CLEC16A: variants seen among roughly 807,000 people sequenced by gnomAD.
The protein encoded by CLEC16A is C-type lectin domain containing 16A.
Under a neutral mutation model 109.5 loss-of-function variants are expected in CLEC16A, and 51 were observed. The ratio of observed to expected loss-of-function variants is 0.47; its 90% confidence interval spans 0.37 to 0.59. The LOEUF is 0.59. Ranked by LOEUF, CLEC16A falls within the 20% of genes least tolerant of loss-of-function variation. The probability of loss-of-function intolerance (pLI) is 0.00; values close to 1 mark genes in which losing one functional copy is unlikely to be tolerated. For synonymous variants in CLEC16A, 673 were observed against 564.2 expected, an observed-to-expected ratio of 1.19 and a Z score of -2.73; for missense variants, 1,339 against 1,394.0, an observed-to-expected ratio of 0.96 and a Z score of 0.63.
In CLEC16A at chr16:10,986,012, A is replaced by ATT. The variant is rs59547466; in HGVS notation, c.1071+3056_1071+3057dup. 7.7e-3 allele frequency among the ~76,000 whole-genome samples: 335 copies of ATT among 43,450 alleles called. 94 individuals are homozygous for ATT. Among genetic ancestry groups the ATT allele is most frequent in the African/African-American group, 0.02 (176 of 8,818 alleles). The allele number at this position is 43,450 out of a possible 152,430, so 28.5% of individuals were successfully genotyped here. A position where few individuals can be genotyped will look rare whatever the true frequency, so the allele number is the denominator to read the frequency against. ...TGAGACACTGCACCTGGCCTGCAGAATTTTTTTTTTTTTTTTTTTTTTTTT... is the reference window on the plus strand; with the variant it reads ...TGAGACACTGCACCTGGCCTGCAGAATTTTTTTTTTTTTTTTTTTTTTTTTTT... On this transcript the variant is annotated intron_variant, in intron 10 of 23. Coordinates refer to ENST00000409790, the MANE Select transcript of CLEC16A (RefSeq NM_015226.3).
At chr16:11,054,568 C>G (rs1450130554) in intron 18 of CLEC16A, among the ~76,000 whole-genome samples, 1 of 152,192 alleles carries the variant, frequency 6.6e-6, no homozygotes, top group Non-Finnish European at 1.5e-5. Flanking sequence ...CCAAAAGCAA[C>G]TCTCAAGTCC....
chr16:11,076,014 G>A lies in CLEC16A; in HGVS notation c.2116+14992G>A, dbSNP rs193177856. Reference sequence around the variant, plus strand: ...CTCTTAGCAAATCCTGCCAGCTTAAGCATCACATAGATAGAGAACCCAGCT... The same window carrying A: ...CTCTTAGCAAATCCTGCCAGCTTAAACATCACATAGATAGAGAACCCAGCT... On this transcript the variant is annotated intron_variant, in intron 19 of 23. Coordinates refer to ENST00000409790, the MANE Select transcript of CLEC16A (RefSeq NM_015226.3). 3.3e-5 allele frequency among the ~76,000 whole-genome samples: 5 copies of A among 152,282 alleles called. No homozygotes were observed. The East Asian group carries it at 9.6e-4, about 29-fold the overall frequency.
chr16:10,949,163 C>G (rs2041592628), intron 1 of CLEC16A, among the ~76,000 whole-genome samples: 1 of 152,222 alleles, frequency 6.6e-6, no homozygotes, highest in African/African-American at 2.4e-5. Context: ...GGCAGGTAGA[C>G]AGACGCACAC....
intron 9 of CLEC16A, among the ~76,000 whole-genome samples, chr16:10,981,844 A>G (rs1267106706): frequency 6.6e-6 from 1 of 152,196 alleles, no homozygotes; most frequent in East Asian, 1.9e-4. Context: ...TTTGCCCCTC[A>G]GGGGATACCT....
intron 22 of CLEC16A, among the ~76,000 whole-genome samples, chr16:11,155,414 A>C (rs913857675): frequency 1.3e-5 from 2 of 152,204 alleles, no homozygotes; most frequent in Non-Finnish European, 2.9e-5. Context: ...TAAAAGTGAC[A>C]AGCCTAAAGC....
intron 22 of CLEC16A, among the ~76,000 whole-genome samples, chr16:11,146,755 C>T (rs372774694): frequency 6.2e-5 from 5 of 80,826 alleles, no homozygotes; most frequent in Non-Finnish European, 9.5e-5. Flanking sequence ...GGTGGATGGC[C>T]GGATGGGAGG....
intron 1 of CLEC16A, among the ~76,000 whole-genome samples, chr16:10,947,668 C>T (rs1032518575): frequency 2.0e-5 from 3 of 152,020 alleles, no homozygotes; most frequent in Admixed American, 2.0e-4. Flanking sequence ...TCCTGGTTTG[C>T]CTGGGCTGAG....
At chr16:10,988,400 T>G (rs544720722) in intron 10 of CLEC16A, among the ~76,000 whole-genome samples, 111 of 152,112 alleles carry the variant, frequency 7.3e-4, no homozygotes, top group African/African-American at 2.6e-3. Context: ...TGGGCTTCCC[T>G]CCTCCCATGA....
At chr16:11,108,836 C>T (rs984138553) in intron 19 of CLEC16A, among the ~76,000 whole-genome samples, 27 of 152,192 alleles carry the variant, frequency 1.8e-4, no homozygotes, top group African/African-American at 5.8e-4. Context: ...CTGGGCCGGG[C>T]GCGGTGGCTC....
chr16:11,010,125 C>T (rs954024245), intron 11 of CLEC16A, among the ~76,000 whole-genome samples: 3 of 143,246 alleles, frequency 2.1e-5, no homozygotes, highest in African/African-American at 5.1e-5. Context: ...ACACTCCAGC[C>T]GGGGTGACAG....
intron 16 of CLEC16A, 82 bp downstream of exon 16, chr16:11,044,154 A>G (rs1471225608): frequency 4.2e-6 from 5 of 1,191,232 alleles, no homozygotes; most frequent in Non-Finnish European, 4.7e-6. Flanking sequence ...ATGCAGATAA[A>G]CGTTATATGT....
intron 8 of CLEC16A, 88 bp downstream of exon 8, chr16:10,977,487 T>C: frequency 2.5e-6 from 3 of 1,214,014 alleles, no homozygotes; most frequent in Non-Finnish European, 3.4e-6. Flanking sequence ...GGGCTGAGCA[T>C]TGCAAATCAG....
chr16:11,016,355 T>TTTTTTTTTC (rs2045749768), intron 11 of CLEC16A, among the ~76,000 whole-genome samples: 1 of 41,500 alleles, frequency 2.4e-5, no homozygotes, highest in Admixed American at 2.0e-4. Flanking sequence ...TTTTTTTTTC[T>TTTTTTTTTC]TTTTTTTTTT....
intron 19 of CLEC16A, among the ~76,000 whole-genome samples, chr16:11,094,383 A>C (rs1290284831): frequency 2.0e-5 from 3 of 152,200 alleles, no homozygotes; most frequent in Non-Finnish European, 4.4e-5. Flanking sequence ...AACCTTCTGG[A>C]AGCCAGAGCC....
chr16:11,159,718 T>C (rs1016861055), intron 22 of CLEC16A, among the ~76,000 whole-genome samples: 4 of 113,108 alleles, frequency 3.5e-5, no homozygotes, highest in African/African-American at 1.4e-4. Flanking sequence ...GTAGATCGCC[T>C]GTTTTTTTCC....
At chr16:11,005,584 A>G (rs1597007001) in intron 11 of CLEC16A, among the ~76,000 whole-genome samples, 1 of 152,220 alleles carries the variant, frequency 6.6e-6, no homozygotes, top group South Asian at 2.1e-4. Flanking sequence ...AATACATACA[A>G]CTTTCATAGA....
At chr16:10,982,005 G>C (rs1347605811) in intron 9 of CLEC16A, among the ~76,000 whole-genome samples, 1 of 152,204 alleles carries the variant, frequency 6.6e-6, no homozygotes, top group Non-Finnish European at 1.5e-5. Flanking sequence ...ATTGTCAGCA[G>C]TGCCAAGATT....
chr16:11,126,187 T>C (rs368393518), intron 22 of CLEC16A, 41 bp downstream of exon 22: 123 of 1,612,142 alleles, frequency 7.6e-5, no homozygotes, highest in Middle Eastern at 3.3e-4. Context: ...TCGTTCATCA[T>C]GGTGGGCGTT....
At chr16:11,169,699 G>C (rs3973671) in intron 23 of CLEC16A, among the ~76,000 whole-genome samples, 3,003 of 152,306 alleles carry the variant, frequency 0.02, 107 homozygotes, top group African/African-American at 0.068. Context: ...CCACGGTTTT[G>C]AACACTTGAA....
Sources: allele counts gnomAD v4.1 joint callset (sites outside exome capture counted in the v4.1 genomes callset), GRCh38; gene constraint gnomAD v4.1.1; transcripts MANE v1.5; gene names NCBI Gene and HGNC (gene_info 2026-07-23, HGNC 2026-07-21).